DENND1B: variants seen among roughly 807,000 people sequenced by gnomAD.
DENND1B encodes DENN domain-containing protein 1B.
In DENND1B, 59 loss-of-function variants were observed where a neutral mutation model predicts 90.1. The observed-to-expected ratio is 0.65, with a 90% CI of 0.53 to 0.81. The LOEUF (loss-of-function observed/expected upper bound fraction) is 0.81, where lower values mean the gene tolerates loss of function less well. Ranked by LOEUF, DENND1B falls within the 40% of genes least tolerant of loss-of-function variation. DENND1B has a pLI of 0.00. For synonymous variants in DENND1B, 337 were observed against 324.6 expected (o/e 1.04, Z -0.41); for missense variants, 862 against 912.6 (o/e 0.94, Z 0.71).
At chr1:197,637,454 G>A (rs1280118464) in intron 10 of DENND1B, among the ~76,000 whole-genome samples, 4 of 152,034 alleles carry the variant, frequency 2.6e-5, no homozygotes, top group Non-Finnish European at 5.9e-5. Context: ...GCAGAAATAC[G>A]TGTTTATTTT....
At chr1:197,606,904 T>G in intron 13 of DENND1B, 169 bp downstream of exon 13, 1 of 569,322 alleles carries the variant, frequency 1.8e-6, no homozygotes, top group East Asian at 3.1e-5. Flanking sequence ...AAATCTCAAC[T>G]GCTAAAAGGT....
chr1:197,639,220 T>C (rs1271933378), intron 10 of DENND1B, among the ~76,000 whole-genome samples: 2 of 151,974 alleles, frequency 1.3e-5, no homozygotes, highest in African/African-American at 4.8e-5. Flanking sequence ...CGTGGTACCA[T>C]GCCTGGCTAA....
At chr1:197,762,268 G>C (rs1655164238) in intron 2 of DENND1B, among the ~76,000 whole-genome samples, 1 of 151,434 alleles carries the variant, frequency 6.6e-6, no homozygotes. Context: ...TTATTAGTCA[G>C]CATTTTTTTT....
intron 21 of DENND1B, among the ~76,000 whole-genome samples, 177 bp from the exon 22 acceptor site, chr1:197,512,121 C>T (rs531248696): frequency 6.6e-6 from 1 of 151,808 alleles, no homozygotes; most frequent in Non-Finnish European, 1.5e-5. Flanking sequence ...ATATTTTGTG[C>T]ATGCATTAAG....
intron 13 of DENND1B, chr1:197,605,452 T>A (rs1447207770): frequency 2.6e-5 from 4 of 151,050 alleles, no homozygotes; most frequent in Non-Finnish European, 5.9e-5. Flanking sequence ...AATTTTAATA[T>A]CACGTACAGA....
At chr1:197,658,195 A>T in intron 6 of DENND1B, 105 bp downstream of exon 6, 1 of 883,184 alleles carries the variant, frequency 1.1e-6, no homozygotes, top group Middle Eastern at 2.8e-4. Flanking sequence ...ATCAACATTA[A>T]TGTACTTAAT....
intron 2 of DENND1B, among the ~76,000 whole-genome samples, chr1:197,717,453 C>T (rs992356931): frequency 5.3e-5 from 8 of 151,506 alleles, no homozygotes; most frequent in Admixed American, 1.3e-4. Context: ...GACTCCATAT[C>T]GTAATTAAAG....
intron 2 of DENND1B, among the ~76,000 whole-genome samples, chr1:197,724,527 A>C (rs1404765212): frequency 6.6e-6 from 1 of 152,130 alleles, no homozygotes; most frequent in African/African-American, 2.4e-5. Context: ...GGAAAGTACA[A>C]ATGCCCTCTT....
intron 13 of DENND1B, among the ~76,000 whole-genome samples, chr1:197,604,454 A>G (rs939530571): frequency 6.6e-6 from 1 of 151,294 alleles, no homozygotes; most frequent in African/African-American, 2.4e-5. Context: ...TAAGAAGATT[A>G]CAGCATGCAA....
In DENND1B at chr1:197,505,870, C is replaced by T. The variant is rs1166227807; in HGVS notation, c.*4590G>A. The T allele has an allele frequency of 6.6e-6, 1 of 151,570 alleles. No homozygotes were observed. Among genetic ancestry groups the T allele is most frequent in the African/African-American group, 2.4e-5 (1 of 41,356 alleles). The allele number at this position is 151,570 out of a possible 1,614,324, so 9.4% of individuals were successfully genotyped here. On this transcript the variant is annotated 3_prime_UTR_variant, in exon 23 of 23. Transcript: ENST00000620048. ...GAACTGAGTATCTGTTAAATGTACACATGTAGAATCAGCAATTTGTACCGT... is the reference window on the plus strand; with the variant it reads ...GAACTGAGTATCTGTTAAATGTACATATGTAGAATCAGCAATTTGTACCGT...
At chr1:197,661,249 A>G (rs142193965) in intron 5 of DENND1B, among the ~76,000 whole-genome samples, 152 of 152,234 alleles carry the variant, frequency 1.0e-3, no homozygotes, top group Non-Finnish European at 4.7e-4. Flanking sequence ...TAATACTTTT[A>G]TAATACTAAC....
At chr1:197,734,091 G>C in intron 2 of DENND1B, 1 of 958,728 alleles carries the variant, frequency 1.0e-6, no homozygotes, top group Non-Finnish European at 1.2e-6. Flanking sequence ...TTCACTGAAG[G>C]ACCCAATCAA....
At position 197,734,000 on chromosome 1, in the gene DENND1B, T is replaced by C. The variant is rs1662395257; in HGVS notation, c.83-18926A>G. On this transcript the variant is annotated intron_variant, in intron 2 of 22. Transcript: ENST00000620048. ...AAAATCTGTGCAACTAAAAGATACATTCAAAAAATTACAAGAAATTATATT... is the reference window on the plus strand; with the variant it reads ...AAAATCTGTGCAACTAAAAGATACACTCAAAAAATTACAAGAAATTATATT... 3 of 757,974 alleles carry C rather than the reference T, an allele frequency of 4.0e-6. No homozygotes were observed. In the South Asian group the frequency reaches 1.8e-4, roughly 45 times the overall value. 47.0% of individuals were successfully genotyped at this position (757,974 alleles called of 1,614,324 possible).
chr1:197,656,570 C>G (rs898868637), intron 6 of DENND1B, among the ~76,000 whole-genome samples: 5 of 151,938 alleles, frequency 3.3e-5, no homozygotes, highest in Admixed American at 6.6e-5. Flanking sequence ...GAAGCAGAGG[C>G]AGGAAGATCC....
intron 2 of DENND1B, among the ~76,000 whole-genome samples, chr1:197,757,916 A>G (rs1654514380): frequency 6.6e-6 from 1 of 152,174 alleles, no homozygotes; most frequent in Admixed American, 6.5e-5. Context: ...CCTTAATTTT[A>G]GCTCATCATC....
intron 2 of DENND1B, among the ~76,000 whole-genome samples, chr1:197,754,695 C>G (rs1273891628): frequency 8.7e-6 from 1 of 115,572 alleles, no homozygotes; most frequent in East Asian, 2.3e-4. Flanking sequence ...AAAACTGATA[C>G]AGTAAATCTA....
chr1:197,720,658 T>C (rs770827283), intron 2 of DENND1B, among the ~76,000 whole-genome samples: 17 of 152,116 alleles, frequency 1.1e-4, no homozygotes, highest in Non-Finnish European at 1.9e-4. Context: ...ATCGACACTT[T>C]TGCCATTTTT....
intron 3 of DENND1B, among the ~76,000 whole-genome samples, chr1:197,714,671 C>A (rs553866274): frequency 6.6e-6 from 1 of 152,084 alleles, no homozygotes; most frequent in Non-Finnish European, 1.5e-5. Context: ...TCTAAGTACA[C>A]AGAAAGAATA....
At chr1:197,526,712 A>G (rs966827521) in intron 20 of DENND1B, among the ~76,000 whole-genome samples, 2 of 152,150 alleles carry the variant, frequency 1.3e-5, no homozygotes, top group African/African-American at 4.8e-5. Flanking sequence ...ATCTTCCATT[A>G]TATGTTATTA....
Sources: allele counts gnomAD v4.1 joint callset (sites outside exome capture counted in the v4.1 genomes callset), GRCh38; gene constraint gnomAD v4.1.1; transcripts MANE v1.5; gene names NCBI Gene and HGNC (gene_info 2026-07-23, HGNC 2026-07-21).